The following NLRP7 variants were observed in gnomAD, a reference collection of about 807,000 sequenced individuals.
NLRP7 encodes NACHT, LRR and PYD domains-containing protein 7.
A neutral mutation model predicts 85.5 loss-of-function variants in NLRP7; 72 were observed. The ratio of observed to expected loss-of-function variants is 0.84; its 90% CI spans 0.70 to 1.02. The LOEUF (loss-of-function observed/expected upper bound fraction) is 1.02. Among genes scored for constraint, NLRP7 ranks in the 50% least tolerant of loss-of-function variants. NLRP7 has a pLI of 0.00. For synonymous variants in NLRP7, 550 were observed against 505.2 expected (o/e 1.09, Z -1.19); for missense variants, 1,243 against 1,219.5 (o/e 1.02, Z -0.29).
chr19:54,939,581 C>CGCAGCGCGCCCCGCA (rs1421885582), exon 4 of NLRP7: 1 of 1,611,588 alleles, frequency 6.2e-7, no homozygotes, highest in Non-Finnish European at 8.5e-7. Context: ...GCTCAGCGTC[C>CGCAGCGCGCCCCGCA]GCAGCGCGCC....
chr19:54,941,645 T>C, exon 2 of NLRP7: 1 of 1,614,032 alleles, frequency 6.2e-7, no homozygotes. Context: ...TTGAAACTCT[T>C]TAATTCATCC....
At position 54,947,457 on chromosome 19, in the gene NLRP7, A is replaced by C; in HGVS notation, c.-40+12T>G. The C allele has an allele frequency of 5.4e-6, 7 of 1,289,226 alleles. No individual in the cohort carries two copies. The highest frequency in any genetic ancestry group is 5.1e-6 in the Non-Finnish European group (5 of 988,388). 79.9% of individuals were successfully genotyped at this position (1,289,226 alleles called of 1,614,324 possible). Reference sequence around the variant, plus strand: ...AGAAGACAAAGAAATCGATGCAAGAACCAGCACTCACCTCCCTCAGGTCAG... The same window carrying C: ...AGAAGACAAAGAAATCGATGCAAGACCCAGCACTCACCTCCCTCAGGTCAG... On this transcript the variant is annotated intron_variant, in intron 1 of 9. Coordinates refer to ENST00000340844, the Ensembl canonical transcript of NLRP7.
chr19:54,935,864 G>C (rs2068897594), intron 6 of NLRP7, among the ~76,000 whole-genome samples: 1 of 152,068 alleles, frequency 6.6e-6, no homozygotes, highest in Non-Finnish European at 1.5e-5. Context: ...TCCTGTGCCT[G>C]ATCTGAGATC....
chr19:54,956,330 G>A (rs967535759), intron 1 of NLRP7, among the ~76,000 whole-genome samples: 1 of 152,144 alleles, frequency 6.6e-6, no homozygotes, highest in African/African-American at 2.4e-5. Context: ...GTCTCTGCTG[G>A]AGAACTGGTT....
intron 3 of NLRP7, 31 bp from the exon 4 acceptor site, chr19:54,940,497 T>TTGA (rs1569540930): frequency 6.2e-7 from 1 of 1,610,172 alleles, no homozygotes; most frequent in Non-Finnish European, 8.5e-7. Context: ...ACAGTTGAGG[T>TTGA]TGATGATGAT....
chr19:54,937,970 A>G, intron 5 of NLRP7, 74 bp downstream of exon 5: 1 of 1,211,814 alleles, frequency 8.3e-7, no homozygotes, highest in African/African-American at 1.5e-5. Context: ...GCACATTTCC[A>G]AATTTAAAAA....
Position 54,934,593 on chromosome 19 carries a change from C to G in NLRP7, c.2367G>C (p.Gln789His), listed in dbSNP as rs1260423811. The G allele has an allele frequency of 5.6e-6, 9 of 1,614,118 alleles. No individual in the cohort carries two copies. The highest frequency in any genetic ancestry group is 7.6e-6 in the Non-Finnish European group (9 of 1,179,992). ...CTGAGAGACGCAGGTGCTTCAGGGA[C>G]TGGTTGGCTTTGAGGACATAGAAGA... Residue 789 changes from glutamine (Q) to histidine (H), a missense_variant, in exon 7 of 10, where the codon CAG becomes CAC. Physicochemically the swap from Gln to His is conservative, Grantham distance 24. Transcript: ENST00000340844. This position sits in a 1 kb window ranked among gnomAD's most constrained non-coding sequence, Gnocchi z 6.7.
At chr19:54,939,660 A>G (rs2069122636) in exon 4 of NLRP7, 1 of 1,612,430 alleles carries the variant, frequency 6.2e-7, no homozygotes, top group African/African-American at 1.3e-5. Context: ...CGGGTGAGGC[A>G]GGTGGGGACC....
chr19:54,940,088 T>G, exon 4 of NLRP7: 1 of 1,614,162 alleles, frequency 6.2e-7, no homozygotes, highest in Non-Finnish European at 8.5e-7. Context: ...TCTCTGTGCT[T>G]GGGCTAGGAT....
At chr19:54,930,748 C>G in intron 8 of NLRP7, 82 bp from the exon 9 acceptor site, 1 of 1,144,360 alleles carries the variant, frequency 8.7e-7, no homozygotes, top group South Asian at 1.2e-5. Flanking sequence ...CACTATATAC[C>G]TTCCACTTAT....
At chr19:54,929,532 T>C (rs1452729265) in intron 9 of NLRP7, among the ~76,000 whole-genome samples, 1 of 152,142 alleles carries the variant, frequency 6.6e-6, no homozygotes, top group African/African-American at 2.4e-5. Flanking sequence ...AGAGAAGTGA[T>C]GAAGAGCTCG....
chr19:54,945,488 T>C (rs2069429616), intron 1 of NLRP7, among the ~76,000 whole-genome samples: 1 of 152,012 alleles, frequency 6.6e-6, no homozygotes, highest in South Asian at 2.1e-4. Flanking sequence ...CAGGCTGGTC[T>C]TGAACTCCTG....
Position 54,934,485 on chromosome 19 carries a change from T to A in NLRP7, c.2471+4A>T, listed in dbSNP as rs1382239701. ...AGAGCTGCCCATGGGAAGAGGAGACTTACGACAACATCTGCAGGAAGTGTT... is the reference window on the plus strand; with the variant it reads ...AGAGCTGCCCATGGGAAGAGGAGACATACGACAACATCTGCAGGAAGTGTT... On this transcript the variant is annotated splice_donor_region_variant and intron_variant, in intron 7 of 9. Coordinates refer to ENST00000340844, the Ensembl canonical transcript of NLRP7. This position sits in a 1 kb window ranked among gnomAD's most constrained non-coding sequence, Gnocchi z 6.7. The A allele has an allele frequency of 6.2e-7, 1 of 1,613,984 alleles. No individual in the cohort carries two copies. Among genetic ancestry groups the A allele is most frequent in the Non-Finnish European group, 8.5e-7 (1 of 1,179,984 alleles).
At chr19:54,925,339 C>T (rs1300176469) in intron 9 of NLRP7, among the ~76,000 whole-genome samples, 1 of 152,118 alleles carries the variant, frequency 6.6e-6, no homozygotes, top group Admixed American at 6.6e-5. Flanking sequence ...ACCCCTAAAA[C>T]CTTAACCCAT....
rs199475823 is a variant in NLRP7 at position 54,940,303 on chromosome 19, G to A, written c.516C>T (p.Tyr172=). The A allele has an allele frequency of 1.9e-5, 31 of 1,614,206 alleles. No homozygotes were observed. In the African/African-American group the frequency reaches 2.3e-4, roughly 12 times the overall value. Residue 172 remains tyrosine, a synonymous_variant, in exon 4 of 10, where the codon TAC becomes TAT. Coordinates refer to ENST00000340844, the Ensembl canonical transcript of NLRP7. ...CTGCGGGGCCGTGCAGCACCACCGT[G>A]TAAGGTGTTAGCTTCCTGGGTGTTC... is the stretch of plus-strand genomic sequence containing the variant.
intron 9 of NLRP7, 111 bp from the exon 10 acceptor site, chr19:54,927,886 G>A (rs2068515726): frequency 2.2e-6 from 2 of 895,966 alleles, no homozygotes; most frequent in African/African-American, 3.3e-5. Context: ...GAGGCCAGGT[G>A]TTCGAGACCA....
intron 1 of NLRP7, among the ~76,000 whole-genome samples, chr19:54,963,589 C>T (rs992268546): frequency 4.0e-5 from 6 of 151,842 alleles, no homozygotes; most frequent in Non-Finnish European, 8.8e-5. Flanking sequence ...TTTGGGAGGC[C>T]GAGGTGAGCA....
chr19:54,938,869 A>G lies in NLRP7; in HGVS notation c.1931+19T>C. On this transcript the variant is annotated intron_variant, in intron 4 of 9. Transcript: ENST00000340844. ...TGGCCTCTTCCTAGTGGAGCGTGGG[A>G]TGGGAAAACAGTTCTTACCTTTCAA... is the stretch of plus-strand genomic sequence containing the variant. 1.2e-6 allele frequency: 2 copies of G among 1,613,300 alleles called. No individual in the cohort carries two copies. Among genetic ancestry groups the G allele is most frequent in the Non-Finnish European group, 8.5e-7 (1 of 1,179,846 alleles).
In NLRP7 at chr19:54,933,718, TGTAAGACGACA is replaced by T; in HGVS notation, c.2482_2492del (p.Cys828ArgfsTer37). ...CAGCAAGGTCCTTGCAACTGGCTTC[TGTAAGACGACA>T]GTTTTCCAACCTGCAAAAATATGAA... On this transcript the variant is annotated frameshift_variant, in exon 8 of 10. Coordinates refer to ENST00000340844, the Ensembl canonical transcript of NLRP7. LOFTEE classifies it high-confidence loss of function. 9 of 1,614,214 alleles carry T rather than the reference TGTAAGACGACA, an allele frequency of 5.6e-6. No homozygotes were observed. The highest frequency in any genetic ancestry group is 7.6e-6 in the Non-Finnish European group (9 of 1,180,026).
Sources: gnomAD v4.1 joint callset for allele counts (sites outside exome capture counted in the v4.1 genomes callset) on GRCh38, gnomAD v4.1.1 for gene constraint, Gnocchi (gnomAD v3.1) non-coding constraint, MANE v1.5 for transcripts, NCBI Gene and HGNC (gene_info 2026-07-23, HGNC 2026-07-21) for gene names.